CNTNAP2: variants seen among roughly 807,000 people sequenced by gnomAD.
CNTNAP2 encodes contactin associated protein 2.
Under a neutral mutation model 155.2 loss-of-function variants are expected in CNTNAP2, and 98 were observed. That is an observed-to-expected ratio of 0.63 (90% CI 0.54 to 0.75). The LOEUF (loss-of-function observed/expected upper bound fraction) is 0.75, where lower values mean the gene tolerates loss of function less well. CNTNAP2 is among the 30% of genes least tolerant of loss of function. CNTNAP2 has a pLI of 0.00. For missense variants in CNTNAP2, 1,727 were observed against 1,688.1 expected (o/e 1.02, Z -0.40); for synonymous variants, 651 against 631.2 (o/e 1.03, Z -0.47).
intron 8 of CNTNAP2, among the ~76,000 whole-genome samples, chr7:147,288,769 G>A (rs141176815): frequency 6.6e-6 from 1 of 152,152 alleles, no homozygotes; most frequent in Non-Finnish European, 1.5e-5. Flanking sequence ...TATGGATGAA[G>A]AATTGTATTC....
chr7:148,383,555 T>G lies in CNTNAP2; in HGVS notation c.3476-94T>G, dbSNP rs1637841. ...GTAACATCTTAAACTGAAACCTAAA[T>G]GTAAGCTTTGGACACAAGCATTCAA... On this transcript the variant is annotated intron_variant, in intron 21 of 23. Transcript: ENST00000361727. 0.78 allele frequency: 1,216,331 copies of G among 1,564,060 alleles called. 476,705 individuals carry two copies. Among genetic ancestry groups the G allele is most frequent in the Admixed American group, 0.83 (49,326 of 59,582 alleles).
chr7:148,212,312 A>C lies in CNTNAP2; in HGVS notation c.3011-4976A>C, dbSNP rs982461279. 5.9e-5 allele frequency among the ~76,000 whole-genome samples: 9 copies of C among 152,324 alleles called. No individual in the cohort carries two copies. The East Asian group carries it at 1.7e-3, about 29-fold the overall frequency. The stretch of plus-strand genomic sequence containing the variant: ...CATATAACCTGTGATGAGGACCAAG[A>C]AATAGTTAAGACAAGGTTATTTGTC... On this transcript the variant is annotated intron_variant, in intron 18 of 23. Coordinates refer to ENST00000361727, the MANE Select transcript of CNTNAP2 (RefSeq NM_014141.6).
intron 13 of CNTNAP2, among the ~76,000 whole-genome samples, chr7:147,842,557 C>CTTTTTTTTTTTT (rs1171642244): frequency 2.3e-5 from 2 of 87,576 alleles, no homozygotes; most frequent in African/African-American, 4.1e-5. Flanking sequence ...AGTTGCATTT[C>CTTTTTTTTTTTT]TTTTTTTTTT....
intron 20 of CNTNAP2, among the ~76,000 whole-genome samples, chr7:148,257,946 CAG>C (rs1491123915): frequency 3.3e-5 from 2 of 61,346 alleles, no homozygotes; most frequent in East Asian, 2.4e-3. Flanking sequence ...CACACACACA[CAG>C]ACAGATTTAC....
At chr7:146,863,119 T>C in intron 3 of CNTNAP2, among the ~76,000 whole-genome samples, 1 of 152,326 alleles carries the variant, frequency 6.6e-6, no homozygotes, top group Admixed American at 6.5e-5. Context: ...GATCAGTAAT[T>C]ATGTCAAAGT....
chr7:146,872,438 G>A (rs1424165001), intron 3 of CNTNAP2, among the ~76,000 whole-genome samples: 2 of 152,266 alleles, frequency 1.3e-5, no homozygotes, highest in East Asian at 1.9e-4. Context: ...CTTGTAAGGA[G>A]AATTTCTAGA....
chr7:146,564,870 C>T lies in CNTNAP2; in HGVS notation c.98-209401C>T, dbSNP rs2129144930. Among the ~76,000 whole-genome samples the T allele has an allele frequency of 2.0e-5, 3 of 151,806 alleles. 1 individual carries two copies. Among genetic ancestry groups the T allele is most frequent in the African/African-American group, 7.2e-5 (3 of 41,394 alleles). On this transcript the variant is annotated intron_variant, in intron 1 of 23. Coordinates refer to ENST00000361727, the MANE Select transcript of CNTNAP2 (RefSeq NM_014141.6). ...CATTGAATTTGATACTCCTAAGAAC[C>T]CCATAAGCAAAGTATGATCTCTTAT...
intron 4 of CNTNAP2, among the ~76,000 whole-genome samples, chr7:147,073,020 T>C (rs1364499667): frequency 2.6e-5 from 4 of 151,308 alleles, no homozygotes; most frequent in Non-Finnish European, 5.9e-5. Flanking sequence ...GCCCGGCTAA[T>C]TTTTTGCATT....
At chr7:147,619,507 C>T (rs1412474429) in intron 12 of CNTNAP2, among the ~76,000 whole-genome samples, 2 of 152,190 alleles carry the variant, frequency 1.3e-5, no homozygotes, top group Admixed American at 6.5e-5. Flanking sequence ...ACTTGAGAGC[C>T]GTGGGCCTTA....
intron 15 of CNTNAP2, among the ~76,000 whole-genome samples, chr7:147,991,566 A>T (rs77663433): frequency 0.034 from 5,116 of 151,874 alleles, 142 homozygotes; most frequent in South Asian, 0.13. Flanking sequence ...TCTGATGATT[A>T]TCTTTAAATT....
intron 21 of CNTNAP2, among the ~76,000 whole-genome samples, chr7:148,370,851 C>A (rs1368166184): frequency 6.6e-6 from 1 of 152,220 alleles, no homozygotes; most frequent in East Asian, 1.9e-4. Context: ...CTGGTGCCGG[C>A]CTTTCCAACA....
intron 21 of CNTNAP2, among the ~76,000 whole-genome samples, chr7:148,315,243 T>G (rs904894375): frequency 6.6e-6 from 1 of 152,110 alleles, no homozygotes; most frequent in African/African-American, 2.4e-5. Context: ...CAAACAGGCT[T>G]TGTGTGAGCA....
chr7:146,404,131 A>AAAAAAC (rs1554429084), intron 1 of CNTNAP2, among the ~76,000 whole-genome samples: 1 of 138,902 alleles, frequency 7.2e-6, no homozygotes, highest in African/African-American at 3.0e-5. Context: ...TCTCAAAAAA[A>AAAAAAC]AAAAAAAAAA....
At chr7:147,777,558 TC>T (rs1797604677) in intron 13 of CNTNAP2, among the ~76,000 whole-genome samples, 1 of 152,178 alleles carries the variant, frequency 6.6e-6, no homozygotes, top group Non-Finnish European at 1.5e-5. Flanking sequence ...TGGGCCCTGC[TC>T]CCCTTCCCTC....
At chr7:146,311,690 AAAAGAAAGAAAT>A (rs1800827020) in intron 1 of CNTNAP2, 1 of 148,488 alleles carries the variant, frequency 6.7e-6, no homozygotes, top group African/African-American at 2.5e-5. Context: ...AGAAAAGAAG[AAAAGAAAGAAAT>A]AAAGAAAGAA....
intron 3 of CNTNAP2, among the ~76,000 whole-genome samples, chr7:146,937,033 A>G (rs1665959906): frequency 6.6e-6 from 1 of 152,198 alleles, no homozygotes; most frequent in African/African-American, 2.4e-5. Context: ...GCTTCATTTA[A>G]TTTATTTGAA....
chr7:148,237,994 A>C (rs1286189619), intron 20 of CNTNAP2, among the ~76,000 whole-genome samples: 1 of 152,222 alleles, frequency 6.6e-6, no homozygotes, highest in African/African-American at 2.4e-5. Flanking sequence ...TGCCATTCTC[A>C]GCCTTATGAA....
At chr7:147,602,585 C>G (rs1800972284) in intron 12 of CNTNAP2, among the ~76,000 whole-genome samples, 1 of 151,280 alleles carries the variant, frequency 6.6e-6, no homozygotes, top group South Asian at 2.1e-4. Flanking sequence ...GTGTGCTGCA[C>G]CCATTAACTC....
intron 4 of CNTNAP2, among the ~76,000 whole-genome samples, chr7:147,067,390 TA>T (rs1376634717): frequency 2.0e-5 from 3 of 152,076 alleles, no homozygotes; most frequent in African/African-American, 7.2e-5. Flanking sequence ...AATGCTGTTT[TA>T]TTGGGGGTCA....
Sources: allele counts gnomAD v4.1 joint callset (sites outside exome capture counted in the v4.1 genomes callset), GRCh38; gene constraint gnomAD v4.1.1; transcripts MANE v1.5; gene names NCBI Gene and HGNC (gene_info 2026-07-23, HGNC 2026-07-21).